NAALAD2: variants seen among roughly 807,000 people sequenced by gnomAD.
NAALAD2 encodes N-acetylated-alpha-linked acidic dipeptidase 2.
A neutral mutation model predicts 95.6 loss-of-function variants in NAALAD2; 89 were observed. The observed-to-expected ratio is 0.93, with a 90% CI of 0.78 to 1.11. The LOEUF (loss-of-function observed/expected upper bound fraction) is 1.11. Ranked by LOEUF, NAALAD2 falls within the 50% of genes least tolerant of loss-of-function variation. NAALAD2 has a pLI of 0.00. For missense variants in NAALAD2, 894 were observed against 872.4 expected (o/e 1.02, Z -0.31); for synonymous variants, 264 against 294.4 (o/e 0.90, Z 1.06).
intron 13 of NAALAD2, among the ~76,000 whole-genome samples, chr11:90,173,074 C>T (rs1952686741): frequency 6.6e-6 from 1 of 152,150 alleles, no homozygotes; most frequent in Non-Finnish European, 1.5e-5. Context: ...TTTGACTCCA[C>T]AGTCCACAAT....
At chr11:90,144,166 G>A (rs568731842) in intron 2 of NAALAD2, among the ~76,000 whole-genome samples, 1 of 152,088 alleles carries the variant, frequency 6.6e-6, no homozygotes, top group African/African-American at 2.4e-5. Flanking sequence ...AGGGATAGAG[G>A]GAAATACACC....
intron 18 of NAALAD2, among the ~76,000 whole-genome samples, chr11:90,190,194 G>C (rs1330091758): frequency 2.2e-5 from 2 of 92,852 alleles, no homozygotes; most frequent in African/African-American, 5.7e-5. Flanking sequence ...TCCAACATTT[G>C]ATTCTCACAA....
chr11:90,159,369 AG>A lies in NAALAD2; in HGVS notation c.989+33del, dbSNP rs746217447. 3.1e-5 allele frequency: 46 copies of A among 1,488,606 alleles called. No homozygotes were observed. The Admixed American group carries it at 7.0e-4, about 23-fold the overall frequency. The allele number at this position is 1,488,606 out of a possible 1,614,324, so 92.2% of individuals were successfully genotyped here. A position where few individuals can be genotyped will look rare whatever the true frequency, so the allele number is the denominator to read the frequency against. On this transcript the variant is annotated intron_variant, in intron 8 of 18. Transcript: ENST00000534061. ...TTGCATTACTTTAATAGTCTGAAAA[AG>A]TTTTATATTTTTAATGGAAACATGT...
intron 15 of NAALAD2, among the ~76,000 whole-genome samples, chr11:90,177,593 T>TC: frequency 2.2e-5 from 1 of 44,598 alleles, no homozygotes; most frequent in Non-Finnish European, 4.3e-5. Context: ...CTTGTTTTTT[T>TC]TTTTTTTTTT....
intron 2 of NAALAD2, 103 bp from the exon 3 acceptor site, chr11:90,147,227 A>G: frequency 1.1e-6 from 1 of 899,570 alleles, no homozygotes; most frequent in Non-Finnish European, 1.7e-6. Context: ...TATAGGAATG[A>G]CAACTTAATG....
intron 1 of NAALAD2, 88 bp downstream of exon 1, chr11:90,134,928 G>T: frequency 2.0e-6 from 3 of 1,464,992 alleles, no homozygotes; most frequent in Non-Finnish European, 2.9e-6. Flanking sequence ...GGAAGGGATT[G>T]GGCTGTGCGC....
At chr11:90,190,416 T>C (rs1857290136) in intron 18 of NAALAD2, among the ~76,000 whole-genome samples, 1 of 152,228 alleles carries the variant, frequency 6.6e-6, no homozygotes, top group East Asian at 1.9e-4. Context: ...TCAATTATTT[T>C]ACAAATCTGG....
intron 18 of NAALAD2, among the ~76,000 whole-genome samples, chr11:90,186,110 C>G (rs1459064550): frequency 6.6e-6 from 1 of 151,910 alleles, no homozygotes; most frequent in Non-Finnish European, 1.5e-5. Flanking sequence ...ATGTGCCATG[C>G]TGGTGCGCTG....
chr11:90,166,877 C>T (rs187882722), intron 11 of NAALAD2, among the ~76,000 whole-genome samples: 53 of 151,808 alleles, frequency 3.5e-4, no homozygotes, highest in African/African-American at 1.2e-3. Context: ...CCACCCGGCA[C>T]GGTGGCTCAT....
At chr11:90,170,225 T>G (rs1952595279) in intron 13 of NAALAD2, 89 bp downstream of exon 13, 2 of 850,494 alleles carry the variant, frequency 2.4e-6, no homozygotes, top group Admixed American at 1.9e-5. Context: ...GTACTTATTT[T>G]TAAGCTGGTG....
intron 11 of NAALAD2, among the ~76,000 whole-genome samples, chr11:90,168,160 A>G (rs1952530828): frequency 6.6e-6 from 1 of 152,168 alleles, no homozygotes; most frequent in Non-Finnish European, 1.5e-5. Flanking sequence ...GGGCCGCCTT[A>G]AGAGTAACAC....
At chr11:90,155,845 TTA>T (rs71472286) in intron 6 of NAALAD2, among the ~76,000 whole-genome samples, 59,967 of 135,676 alleles carry the variant, frequency 0.44, 14,374 homozygotes, top group African/African-American at 0.61. Context: ...AATATATATG[TTA>T]TATATATTAT....
At chr11:90,160,065 A>G (rs1952251837) in intron 8 of NAALAD2, among the ~76,000 whole-genome samples, 1 of 148,052 alleles carries the variant, frequency 6.8e-6, no homozygotes. Flanking sequence ...ATGAGTTTAA[A>G]TGGGTAAATC....
intron 7 of NAALAD2, chr11:90,158,483 C>A: frequency 2.8e-6 from 1 of 358,278 alleles, no homozygotes; most frequent in South Asian, 3.9e-5. Flanking sequence ...AAAGCTATGT[C>A]CTAAGATAAT....
At chr11:90,179,257 T>C (rs1447153405) in intron 16 of NAALAD2, among the ~76,000 whole-genome samples, 1 of 152,158 alleles carries the variant, frequency 6.6e-6, no homozygotes, top group East Asian at 1.9e-4. Flanking sequence ...TTATCAAATA[T>C]GCCCTGAGTT....
chr11:90,177,304 G>A (rs937325923), intron 15 of NAALAD2, among the ~76,000 whole-genome samples: 1 of 149,578 alleles, frequency 6.7e-6, no homozygotes, highest in African/African-American at 2.5e-5. Flanking sequence ...GTACTTAGCT[G>A]CCCAGAACCT....
intron 6 of NAALAD2, among the ~76,000 whole-genome samples, chr11:90,153,141 G>A (rs1244723638): frequency 6.6e-6 from 1 of 152,100 alleles, no homozygotes; most frequent in Admixed American, 6.6e-5. Context: ...TTCTTTTGCT[G>A]AGTAGTATTC....
chr11:90,148,721 G>C (rs1273237199), intron 3 of NAALAD2, among the ~76,000 whole-genome samples: 5 of 116,608 alleles, frequency 4.3e-5, no homozygotes, highest in African/African-American at 2.1e-4. Flanking sequence ...AAAAGGCATA[G>C]TCAAAAAAAA....
chr11:90,159,953 TAAA>T (rs759940395), intron 8 of NAALAD2, among the ~76,000 whole-genome samples: 4,315 of 75,286 alleles, frequency 0.057, 111 homozygotes, highest in Non-Finnish European at 0.084. Context: ...AAACTCCATC[TAAA>T]AAAAAAAAAA....
Sources: allele counts gnomAD v4.1 joint callset (sites outside exome capture counted in the v4.1 genomes callset), GRCh38; gene constraint gnomAD v4.1.1; transcripts MANE v1.5; gene names NCBI Gene and HGNC (gene_info 2026-07-23, HGNC 2026-07-21).